ADH7: variants seen among roughly 807,000 people sequenced by gnomAD.
The protein encoded by ADH7 is alcohol dehydrogenase 7 (class IV), mu or sigma polypeptide.
ADH7 carries 41 observed loss-of-function variants against 34.4 expected under a neutral mutation model. The ratio of observed to expected loss-of-function variants is 1.19; its 90% CI spans 0.93 to 1.55. The LOEUF is 1.55. Ranked by LOEUF, ADH7 falls within the 40% of genes most tolerant of loss-of-function variation. The pLI, the probability that ADH7 is intolerant of heterozygous loss-of-function variation, is 0.00. For missense variants in ADH7, 540 were observed against 461.2 expected (o/e 1.17, Z -1.56); for synonymous variants, 180 against 160.9 (o/e 1.12, Z -0.90).
Position 99,415,505 on chromosome 4 carries a change from C to T in ADH7, c.1073G>A (p.Gly358Glu), listed in dbSNP as rs1302997331. ...HVLPFKKISE[G>E]FELLNSGQSI... ...TTGTCCTGAATTGAGCAGCTCAAAT[C>T]CTTCACTGATTTTTTTAAATGGTAA... Residue 358 changes from glycine to glutamate, a missense_variant, in exon 8 of 9, where the codon GGA becomes GAA. Coordinates refer to ENST00000437033, the MANE Select transcript of ADH7 (RefSeq NM_000673.7). 1 of 1,613,134 alleles carries T rather than the reference C, an allele frequency of 6.2e-7. No individual in the cohort carries two copies. Among genetic ancestry groups the T allele is most frequent in the African/African-American group, 1.3e-5 (1 of 74,988 alleles).
chr4:99,427,826 A>G lies in ADH7; in HGVS notation c.511T>C (p.Leu171=). The part of the protein sequence containing the change: ...DDAAPPEKVC[L]IGCGFSTGYG... The stretch of plus-strand genomic sequence containing the variant: ...CCAGTGGAAAACCCACAGCCAATTA[A>G]ACAGACTTTCTCAGGAGGAGCTGCA... The change falls in exon 5 of 9, where the codon TTA becomes CTA. Residue 171 remains leucine, a synonymous_variant. Coordinates refer to ENST00000437033, the MANE Select transcript of ADH7 (RefSeq NM_000673.7). The G allele has an allele frequency of 6.2e-7, 1 of 1,609,320 alleles. No individual in the cohort carries two copies. Among genetic ancestry groups the G allele is most frequent in the Non-Finnish European group, 8.5e-7 (1 of 1,177,172 alleles).
chr4:99,420,889 C>A, intron 5 of ADH7, 96 bp from the exon 6 acceptor site: 3 of 1,108,148 alleles, frequency 2.7e-6, no homozygotes, highest in Non-Finnish European at 3.9e-6. Flanking sequence ...CATGAGTGAA[C>A]TCCCATTCAC....
intron 7 of ADH7, among the ~76,000 whole-genome samples, chr4:99,417,500 A>T (rs1154455): frequency 0.43 from 64,999 of 151,904 alleles, 14,390 homozygotes; most frequent in Admixed American, 0.49. Context: ...ATAAAATAGC[A>T]TTCACCTCCA....
rs1178102751 is a variant in ADH7 at position 99,428,147 on chromosome 4, G to T, written c.287C>A (p.Pro96Gln). The T allele has an allele frequency of 6.2e-7, 1 of 1,613,710 alleles. No homozygotes were observed. The highest frequency in any genetic ancestry group is 8.5e-7 in the Non-Finnish European group (1 of 1,179,880). Reference protein sequence around the residue: ...PGDKVIPLFLPQCRECNACRN... With the variant: ...PGDKVIPLFLQQCRECNACRN... ...ACAAGCATTGCATTCTCTACATTGT[G>T]GCAGAAAGAGAGGGATGACTTTGTC... Residue 96 changes from proline to glutamine, a missense_variant, in exon 4 of 9, where the codon CCA becomes CAA. Pro to Gln is a moderately conservative substitution (Grantham distance 76). Transcript: ENST00000437033.
At chr4:99,424,354 C>T (rs907218982) in intron 5 of ADH7, among the ~76,000 whole-genome samples, 28 of 152,300 alleles carry the variant, frequency 1.8e-4, no homozygotes, top group African/African-American at 3.8e-4. Context: ...ATTGACTTGG[C>T]GATGCATGCT....
At chr4:99,425,297 G>A (rs1293349961) in intron 5 of ADH7, among the ~76,000 whole-genome samples, 4 of 152,174 alleles carry the variant, frequency 2.6e-5, no homozygotes, top group African/African-American at 9.7e-5. Flanking sequence ...CCATCAGTGT[G>A]CTGTATTCAG....
At chr4:99,420,829 T>A (rs376879413) in intron 5 of ADH7, 36 bp from the exon 6 acceptor site, 22 of 1,600,118 alleles carry the variant, frequency 1.4e-5, no homozygotes, top group Non-Finnish European at 1.9e-5. Context: ...TGTTAGGTGT[T>A]AGGGTCAAAA....
In ADH7 at chr4:99,435,204, T is replaced by A. The variant is rs781598425; in HGVS notation, c.18+12A>T. 6.2e-7 allele frequency: 1 copy of A among 1,612,740 alleles called. No individual in the cohort carries two copies. Among genetic ancestry groups the A allele is most frequent in the Non-Finnish European group, 8.5e-7 (1 of 1,179,474 alleles). On this transcript the variant is annotated intron_variant, in intron 1 of 8. Transcript: ENST00000437033. ...GGTCATGATGAGGAGGGGACAGAAA[T>A]GTTCCACTTACTTTTCCAGCAGTGC...
At chr4:99,416,499 T>A (rs1366521497) in intron 7 of ADH7, among the ~76,000 whole-genome samples, 1 of 152,168 alleles carries the variant, frequency 6.6e-6, no homozygotes, top group Non-Finnish European at 1.5e-5. Flanking sequence ...TTCCCTTAGC[T>A]TCTAGATACT....
intron 5 of ADH7, among the ~76,000 whole-genome samples, chr4:99,422,931 G>A (rs1292060294): frequency 1.4e-5 from 2 of 145,586 alleles, no homozygotes; most frequent in Non-Finnish European, 1.5e-5. Flanking sequence ...CAATGTGCAG[G>A]TTAGTTACAT....
intron 1 of ADH7, among the ~76,000 whole-genome samples, chr4:99,431,052 C>T (rs1721928203): frequency 6.6e-6 from 1 of 152,166 alleles, no homozygotes; most frequent in African/African-American, 2.4e-5. Context: ...CCCTCCTCGG[C>T]CTCCCAGAGA....
intron 5 of ADH7, among the ~76,000 whole-genome samples, chr4:99,422,878 T>C (rs1254040183): frequency 6.7e-6 from 1 of 149,142 alleles, no homozygotes; most frequent in Non-Finnish European, 1.5e-5. Context: ...TATTTATTTA[T>C]TTATTATTAT....
chr4:99,428,655 C>A, intron 2 of ADH7, 25 bp from the exon 3 acceptor site: 1 of 1,602,558 alleles, frequency 6.2e-7, no homozygotes, highest in South Asian at 1.1e-5. Context: ...AAAAACATTG[C>A]ACCAATCAAC....
At chr4:99,434,246 A>C (rs993439558) in intron 1 of ADH7, among the ~76,000 whole-genome samples, 2 of 152,144 alleles carry the variant, frequency 1.3e-5, no homozygotes, top group African/African-American at 4.8e-5. Context: ...TCTAAGATTC[A>C]TTAATATCCA....
chr4:99,418,914 C>T, intron 7 of ADH7, 72 bp downstream of exon 7: 1 of 1,554,716 alleles, frequency 6.4e-7, no homozygotes, highest in South Asian at 1.2e-5. Context: ...CCTGAGGAAA[C>T]AGGCTTCTCC....
intron 5 of ADH7, among the ~76,000 whole-genome samples, chr4:99,423,319 A>C (rs1721715574): frequency 6.6e-6 from 1 of 150,664 alleles, no homozygotes; most frequent in Non-Finnish European, 1.5e-5. Context: ...GCTATTGTGA[A>C]TAGTGCCGCA....
chr4:99,426,249 CA>C (rs923121154), intron 5 of ADH7, among the ~76,000 whole-genome samples: 2 of 151,834 alleles, frequency 1.3e-5, no homozygotes, highest in African/African-American at 4.8e-5. Flanking sequence ...AAAAACCCTT[CA>C]AAAAATTAAT....
intron 1 of ADH7, chr4:99,432,478 A>G (rs541894462): frequency 1.8e-4 from 28 of 152,328 alleles, no homozygotes; most frequent in Admixed American, 3.3e-4. Flanking sequence ...AAAGTTAAAA[A>G]AAGTCATAAA....
chr4:99,418,104 G>A (rs1399226962), intron 7 of ADH7, among the ~76,000 whole-genome samples: 8 of 152,054 alleles, frequency 5.3e-5, no homozygotes, highest in Admixed American at 5.2e-4. Flanking sequence ...GAGTTACTGA[G>A]AAATAAAATA....
Sources: allele counts gnomAD v4.1 joint callset (sites outside exome capture counted in the v4.1 genomes callset), GRCh38; gene constraint gnomAD v4.1.1; transcripts MANE v1.5; gene names NCBI Gene and HGNC (gene_info 2026-07-23, HGNC 2026-07-21).